The following UNC5D variants were observed in gnomAD, a reference collection of about 807,000 sequenced individuals.
UNC5D encodes netrin receptor UNC5D.
A neutral mutation model predicts 105.4 loss-of-function variants in UNC5D; 39 were observed. That is an observed-to-expected ratio of 0.37 (90% CI 0.29 to 0.48). The LOEUF is 0.48. UNC5D is among the 20% of genes least tolerant of loss of function. The pLI, the probability that UNC5D is intolerant of heterozygous loss-of-function variation, is 0.98. For synonymous variants in UNC5D, 452 were observed against 450.4 expected (o/e 1.00, Z -0.04); for missense variants, 991 against 1,202.4 (o/e 0.82, Z 2.60).
At chr8:35,432,405 T>C (rs2128976208) in intron 1 of UNC5D, among the ~76,000 whole-genome samples, 1 of 152,304 alleles carries the variant, frequency 6.6e-6, no homozygotes, top group South Asian at 2.1e-4. Flanking sequence ...TTTAATTTTC[T>C]TTCTCTTGTT....
rs199568686 is a variant in UNC5D at position 35,624,085 on chromosome 8, G to GA, written c.570+28437dup. ...ACACAGCGAGACTCCACCTCAAAAA[G>GA]AAAAAAAAATTCATTAGTCTTATTT... On this transcript the variant is annotated intron_variant, in intron 4 of 16. Transcript: ENST00000404895. 8.0e-4 allele frequency among the ~76,000 whole-genome samples: 121 copies of GA among 150,896 alleles called. No individual in the cohort carries two copies. The South Asian group carries it at 0.01, about 13-fold the overall frequency.
At chr8:35,774,506 T>A (rs758236718) in intron 16 of UNC5D, 29 bp downstream of exon 16, 1 of 1,611,826 alleles carries the variant, frequency 6.2e-7, no homozygotes, top group South Asian at 1.1e-5. Flanking sequence ...TGGAAGACGA[T>A]GTTACTAAGA....
chr8:35,510,297 TC>T (rs1373417784), intron 1 of UNC5D, among the ~76,000 whole-genome samples: 3 of 132,530 alleles, frequency 2.3e-5, no homozygotes, highest in African/African-American at 6.3e-5. Context: ...TTACCAGTCA[TC>T]TTTTTTATAT....
intron 3 of UNC5D, among the ~76,000 whole-genome samples, chr8:35,585,265 G>A (rs1818710288): frequency 1.3e-5 from 2 of 152,180 alleles, no homozygotes; most frequent in Non-Finnish European, 2.9e-5. Flanking sequence ...TATGGTCCTA[G>A]AAACAGCCTT....
intron 1 of UNC5D, among the ~76,000 whole-genome samples, chr8:35,266,439 G>A (rs922110830): frequency 2.0e-5 from 3 of 152,186 alleles, no homozygotes; most frequent in Admixed American, 2.0e-4. Flanking sequence ...GTCATGGGAG[G>A]TTTGCCAAAT....
chr8:35,526,891 A>G (rs1472237822), intron 1 of UNC5D, among the ~76,000 whole-genome samples: 1 of 152,130 alleles, frequency 6.6e-6, no homozygotes, highest in East Asian at 1.9e-4. Context: ...TTCTGCAGGC[A>G]CACGGTCTTC....
At chr8:35,676,833 G>A (rs1453765662) in intron 4 of UNC5D, among the ~76,000 whole-genome samples, 1 of 152,124 alleles carries the variant, frequency 6.6e-6, no homozygotes. Flanking sequence ...ACATTCACCA[G>A]GGGTCGGAAG....
chr8:35,474,523 G>A (rs1009901224), intron 1 of UNC5D, among the ~76,000 whole-genome samples: 1 of 152,120 alleles, frequency 6.6e-6, no homozygotes, highest in Non-Finnish European at 1.5e-5. Context: ...AATTGCTATC[G>A]TAGTTGAGTT....
At chr8:35,646,616 T>G (rs899085932) in intron 4 of UNC5D, among the ~76,000 whole-genome samples, 1 of 152,224 alleles carries the variant, frequency 6.6e-6, no homozygotes, top group Admixed American at 6.5e-5. Flanking sequence ...TTAATACTTC[T>G]TAATACCTCT....
chr8:35,394,312 C>G (rs555549435), intron 1 of UNC5D, among the ~76,000 whole-genome samples: 69 of 152,050 alleles, frequency 4.5e-4, no homozygotes, highest in Non-Finnish European at 3.7e-4. Context: ...CAGTAAAATT[C>G]TATTTGTGGT....
At chr8:35,660,458 C>T (rs977754965) in intron 4 of UNC5D, among the ~76,000 whole-genome samples, 7 of 152,156 alleles carry the variant, frequency 4.6e-5, no homozygotes, top group East Asian at 1.9e-4. Context: ...CTTTTAAGAA[C>T]GACTCCATTA....
At position 35,421,520 on chromosome 8, in the gene UNC5D, A is replaced by T. The variant is rs553298411; in HGVS notation, c.104-127772A>T. Among the ~76,000 whole-genome samples, 505 of 152,336 alleles carry T rather than the reference A, an allele frequency of 3.3e-3. 1 individual carries two copies. The highest frequency in any genetic ancestry group is 6.0e-3 in the Non-Finnish European group (408 of 68,032). ...ACAGTTCTTGTTTTTAGAGACTTTTAAATTTTACTTTAATAATAGGAATTG... is the reference window on the plus strand; with the variant it reads ...ACAGTTCTTGTTTTTAGAGACTTTTTAATTTTACTTTAATAATAGGAATTG... On this transcript the variant is annotated intron_variant, in intron 1 of 16. Transcript: ENST00000404895.
At chr8:35,718,301 A>G (rs981601292) in intron 8 of UNC5D, among the ~76,000 whole-genome samples, 4 of 152,224 alleles carry the variant, frequency 2.6e-5, no homozygotes, top group Non-Finnish European at 4.4e-5. Flanking sequence ...GCCCACAAAA[A>G]GACAGAATAG....
chr8:35,724,119 C>T (rs1770638709), intron 9 of UNC5D: 3 of 1,404,362 alleles, frequency 2.1e-6, no homozygotes, highest in Admixed American at 5.8e-5. Context: ...AAGGGTGGAT[C>T]CCTGGCCTAC....
chr8:35,557,996 G>A (rs1168755087), intron 2 of UNC5D, among the ~76,000 whole-genome samples: 1 of 152,030 alleles, frequency 6.6e-6, no homozygotes, highest in Non-Finnish European at 1.5e-5. Flanking sequence ...GCTGGATGTG[G>A]TGGTGGGCAC....
At chr8:35,622,372 CAAA>C (rs889744313) in intron 4 of UNC5D, among the ~76,000 whole-genome samples, 5 of 151,902 alleles carry the variant, frequency 3.3e-5, no homozygotes, top group African/African-American at 4.8e-5. Flanking sequence ...ACAAAACAAA[CAAA>C]AAACTCCTGA....
chr8:35,508,311 A>G (rs1338924576), intron 1 of UNC5D, among the ~76,000 whole-genome samples: 1 of 152,218 alleles, frequency 6.6e-6, no homozygotes, highest in Non-Finnish European at 1.5e-5. Flanking sequence ...TTTCAGATAC[A>G]GCTGGGAAGA....
intron 1 of UNC5D, among the ~76,000 whole-genome samples, chr8:35,548,643 C>T (rs1259096834): frequency 6.6e-6 from 1 of 152,134 alleles, no homozygotes; most frequent in Non-Finnish European, 1.5e-5. Flanking sequence ...GAGCTATTAG[C>T]GATTTGTGTT....
chr8:35,613,073 G>A (rs1820796008), intron 4 of UNC5D, among the ~76,000 whole-genome samples: 1 of 152,052 alleles, frequency 6.6e-6, no homozygotes, highest in Non-Finnish European at 1.5e-5. Flanking sequence ...ACGTCTCATG[G>A]TTGTGAGCTC....
Sources: gnomAD v4.1 joint callset for allele counts (sites outside exome capture counted in the v4.1 genomes callset) on GRCh38, gnomAD v4.1.1 for gene constraint, MANE v1.5 for transcripts, NCBI Gene and HGNC (gene_info 2026-07-23, HGNC 2026-07-21) for gene names.